Variants in RMND1 observed in about 807,000 individuals in gnomAD.
The protein encoded by RMND1 is required for meiotic nuclear division 1 homolog.
RMND1 carries 41 observed loss-of-function variants against 54.0 expected under a neutral mutation model. That is an observed-to-expected ratio of 0.76 (90% CI 0.59 to 0.98). RMND1 has a LOEUF of 0.98. Ranked by LOEUF, RMND1 falls within the 50% of genes least tolerant of loss-of-function variation. RMND1 has a pLI of 0.00. For missense variants in RMND1, 457 were observed against 532.0 expected (o/e 0.86, Z 1.39); for synonymous variants, 183 against 181.7 (o/e 1.01, Z -0.06).
intron 5 of RMND1, among the ~76,000 whole-genome samples, chr6:151,428,122 A>G (rs1780354899): frequency 6.6e-6 from 1 of 152,140 alleles, no homozygotes; most frequent in Admixed American, 6.6e-5. Flanking sequence ...CAAAAAAATA[A>G]ATAAATAAAA....
chr6:151,429,818 A>G (rs1041737713), intron 5 of RMND1, among the ~76,000 whole-genome samples: 23 of 152,240 alleles, frequency 1.5e-4, no homozygotes, highest in East Asian at 1.9e-4. Flanking sequence ...AGAACACTCA[A>G]TGCAACCAGC....
At chr6:151,410,351 G>A (rs567586117) in intron 10 of RMND1, among the ~76,000 whole-genome samples, 10 of 152,006 alleles carry the variant, frequency 6.6e-5, no homozygotes, top group African/African-American at 2.2e-4. Flanking sequence ...CACCGCACCC[G>A]GCCTGTTCCA....
At chr6:151,405,303 C>T in intron 11 of RMND1, 36 bp from the exon 12 acceptor site, 3 of 1,578,524 alleles carry the variant, frequency 1.9e-6, no homozygotes, top group Non-Finnish European at 2.6e-6. Flanking sequence ...TCATGACGGG[C>T]AAATTATGGG....
At chr6:151,444,687 A>T (rs928862781) in intron 2 of RMND1, 2 of 152,274 alleles carry the variant, frequency 1.3e-5, no homozygotes, top group African/African-American at 4.8e-5. Context: ...TCTAGGTATT[A>T]TGCAAGATAC....
chr6:151,435,464 T>C (rs1010694851), intron 3 of RMND1, among the ~76,000 whole-genome samples: 8 of 152,032 alleles, frequency 5.3e-5, no homozygotes, highest in African/African-American at 1.9e-4. Flanking sequence ...TTTTAATTAA[T>C]GTAAAGCAAG....
intron 4 of RMND1, among the ~76,000 whole-genome samples, chr6:151,431,725 G>GA (rs1465300311): frequency 6.6e-6 from 1 of 151,950 alleles, no homozygotes; most frequent in African/African-American, 2.4e-5. Context: ...TATGACAAGT[G>GA]AAAAAATATC....
chr6:151,427,798 G>C (rs1228998871), intron 5 of RMND1, among the ~76,000 whole-genome samples: 1 of 152,252 alleles, frequency 6.6e-6, no homozygotes, highest in East Asian at 1.9e-4. Context: ...GATGAGAATG[G>C]AGAAGAAAAT....
rs528973197 is a variant in RMND1, at chr6:151,451,102, A to T, written c.-15+914T>A. 5.9e-3 allele frequency among the ~76,000 whole-genome samples: 897 copies of T among 151,072 alleles called. 4 individuals carry two copies. Among genetic ancestry groups the T allele is most frequent in the Non-Finnish European group, 0.01 (712 of 67,870 alleles). On this transcript the variant is annotated intron_variant, in intron 1 of 11. Transcript: ENST00000444024. ...GGTCCTCTGCCTAGGAAAACCAGAGACCTTTGTGCACTTGTTTATCTGCTG... is the reference window on the plus strand; with the variant it reads ...GGTCCTCTGCCTAGGAAAACCAGAGTCCTTTGTGCACTTGTTTATCTGCTG...
At chr6:151,434,689 C>T (rs1780548578) in intron 3 of RMND1, among the ~76,000 whole-genome samples, 1 of 152,160 alleles carries the variant, frequency 6.6e-6, no homozygotes, top group South Asian at 2.1e-4. Context: ...TGGATTATCA[C>T]AATGATATTT....
intron 8 of RMND1, 88 bp downstream of exon 8, chr6:151,422,453 G>A (rs1780177966): frequency 3.3e-6 from 2 of 614,776 alleles, no homozygotes; most frequent in East Asian, 6.4e-5. Flanking sequence ...GGATACTGAT[G>A]GATAGCTATA....
At chr6:151,411,435 T>C in intron 10 of RMND1, 1 of 152,212 alleles carries the variant, frequency 6.6e-6, no homozygotes. Flanking sequence ...AACCCCTTCA[T>C]GGAGGGACTC....
chr6:151,451,840 A>C (rs1781211092), intron 1 of RMND1, among the ~76,000 whole-genome samples, 176 bp downstream of exon 1: 1 of 152,194 alleles, frequency 6.6e-6, no homozygotes, highest in African/African-American at 2.4e-5. Context: ...AAAAGGGTTC[A>C]TTAATTGAGT....
At chr6:151,444,550 T>G (rs563123319) in intron 2 of RMND1, 1 of 152,178 alleles carries the variant, frequency 6.6e-6, no homozygotes. Context: ...AATCAAGACT[T>G]GAAGACAGAC....
At chr6:151,441,353 CAG>C (rs1232859483) in intron 2 of RMND1, among the ~76,000 whole-genome samples, 5 of 152,012 alleles carry the variant, frequency 3.3e-5, no homozygotes, top group African/African-American at 9.7e-5. Flanking sequence ...TTCTAAGTGA[CAG>C]GGGCATTTTT....
chr6:151,413,761 T>G (rs1779924076), intron 10 of RMND1: 1 of 152,270 alleles, frequency 6.6e-6, no homozygotes, highest in Non-Finnish European at 1.5e-5. Context: ...ATTACACCTC[T>G]GTTATCTAAA....
chr6:151,411,005 G>C (rs946191971), intron 10 of RMND1, among the ~76,000 whole-genome samples: 79 of 152,178 alleles, frequency 5.2e-4, no homozygotes, highest in African/African-American at 1.9e-3. Context: ...TGTCACCCAG[G>C]CTGGAGTGCA....
intron 2 of RMND1, among the ~76,000 whole-genome samples, chr6:151,443,624 C>T (rs1295298363): frequency 6.6e-6 from 1 of 152,138 alleles, no homozygotes; most frequent in African/African-American, 2.4e-5. Flanking sequence ...ATCTGATTTT[C>T]TATTATTTCC....
rs75462263 is a variant in RMND1 at position 151,425,895 on chromosome 6, T to C, written c.830+1587A>G. On this transcript the variant is annotated intron_variant, in intron 6 of 11. Coordinates refer to ENST00000444024, the MANE Select transcript of RMND1 (RefSeq NM_017909.4). ...CTCTTATCCCCATCTGGTCTTTCTA[T>C]AGCTAGTCTCTGTCTCTCTTCCAAG... Among the ~76,000 whole-genome samples, 5 of 151,978 alleles carry C rather than the reference T, an allele frequency of 3.3e-5. No homozygotes were observed. In the East Asian group the frequency reaches 7.7e-4, roughly 24 times the overall value.
intron 10 of RMND1, among the ~76,000 whole-genome samples, chr6:151,410,211 C>T (rs376788260): frequency 2.4e-4 from 37 of 152,162 alleles, no homozygotes; most frequent in Admixed American, 5.2e-4. Context: ...CCCGCCACCA[C>T]GCCCAGCTAA....
Sources: allele counts gnomAD v4.1 joint callset (sites outside exome capture counted in the v4.1 genomes callset), GRCh38; gene constraint gnomAD v4.1.1; transcripts MANE v1.5; gene names NCBI Gene and HGNC (gene_info 2026-07-23, HGNC 2026-07-21).